QKI: variants seen among roughly 807,000 people sequenced by gnomAD.
QKI encodes the protein QKI, KH domain containing RNA binding.
QKI carries 10 observed loss-of-function variants against 39.0 expected under a neutral mutation model. That is an observed-to-expected ratio of 0.26 (90% CI 0.16 to 0.43). The LOEUF is 0.43. Among genes scored for constraint, QKI ranks in the 20% least tolerant of loss-of-function variants. QKI has a pLI of 1.00. For synonymous variants in QKI, 204 were observed against 155.4 expected (o/e 1.31, Z -2.33); for missense variants, 218 against 428.0 (o/e 0.51, Z 4.33).
chr6:163,499,141 T>A (rs1367313228), intron 3 of QKI, among the ~76,000 whole-genome samples: 10 of 152,204 alleles, frequency 6.6e-5, no homozygotes, highest in Non-Finnish European at 2.9e-5. Flanking sequence ...CGTTTTGTTT[T>A]TTTGGATTAA....
intron 1 of QKI, among the ~76,000 whole-genome samples, chr6:163,434,892 G>T (rs1789128636): frequency 6.6e-6 from 1 of 151,916 alleles, no homozygotes; most frequent in African/African-American, 2.4e-5. Context: ...ATTAAGAAAG[G>T]TAAAGTCAGG....
intron 3 of QKI, among the ~76,000 whole-genome samples, chr6:163,503,413 A>C (rs1052307251): frequency 6.6e-6 from 1 of 151,778 alleles, no homozygotes; most frequent in Non-Finnish European, 1.5e-5. Context: ...TTTTTAATGG[A>C]GTCGTTTTTT....
intron 1 of QKI, among the ~76,000 whole-genome samples, chr6:163,446,916 A>G (rs1464034754): frequency 1.3e-5 from 2 of 152,200 alleles, no homozygotes; most frequent in Non-Finnish European, 2.9e-5. Flanking sequence ...GAGTTCATCT[A>G]CAGAACTGTG....
intron 1 of QKI, among the ~76,000 whole-genome samples, chr6:163,434,764 AAAATT>A (rs1312172220): frequency 2.6e-5 from 4 of 152,078 alleles, no homozygotes; most frequent in African/African-American, 4.8e-5. Context: ...AATCTTTAAA[AAAATT>A]AAATTTTACA....
At chr6:163,434,295 T>C (rs1789073560) in intron 1 of QKI, among the ~76,000 whole-genome samples, 1 of 152,198 alleles carries the variant, frequency 6.6e-6, no homozygotes, top group Non-Finnish European at 1.5e-5. Context: ...CACAGATTAC[T>C]ACTGCGTATA....
intron 6 of QKI, chr6:163,565,553 T>G (rs1783311436): frequency 1.0e-6 from 1 of 990,356 alleles, no homozygotes; most frequent in African/African-American, 1.7e-5. Flanking sequence ...GTTGGAAAAT[T>G]TTTACTTATA....
chr6:163,532,706 G>A (rs905178016), intron 3 of QKI, among the ~76,000 whole-genome samples: 4 of 152,094 alleles, frequency 2.6e-5, no homozygotes, highest in African/African-American at 9.7e-5. Flanking sequence ...AATCCTTTTG[G>A]GTGGTTCCTT....
chr6:163,505,416 T>C (rs1406138439), intron 3 of QKI, among the ~76,000 whole-genome samples: 1 of 152,164 alleles, frequency 6.6e-6, no homozygotes, highest in Non-Finnish European at 1.5e-5. Context: ...CAGGCACTCA[T>C]TGTCAGCCCA....
chr6:163,570,536 G>T, intron 7 of QKI, 158 bp from the exon 8 acceptor site: 1 of 982,750 alleles, frequency 1.0e-6, no homozygotes, highest in Non-Finnish European at 1.2e-6. Context: ...TCTGTAGATG[G>T]TGTCAATCAG....
At position 163,576,603 on chromosome 6, in the gene QKI, G is replaced by T. The variant is rs946030546; in HGVS notation, c.*5893G>T. ...ATATATATATATATAGTCGAAATAG[G>T]TGTTCACAGGTCACATGTGAACGGA... On this transcript the variant is annotated 3_prime_UTR_variant, in exon 8 of 8. Coordinates refer to ENST00000361752, the MANE Select transcript of QKI (RefSeq NM_006775.3). 2 of 151,544 alleles carry T rather than the reference G, an allele frequency of 1.3e-5. No homozygotes were observed. Among genetic ancestry groups the T allele is most frequent in the East Asian group, 3.9e-4 (2 of 5,194 alleles). 9.4% of individuals were successfully genotyped at this position (151,544 alleles called of 1,614,324 possible).
chr6:163,443,906 T>C (rs567691890), intron 1 of QKI, among the ~76,000 whole-genome samples: 2 of 152,208 alleles, frequency 1.3e-5, no homozygotes, highest in Non-Finnish European at 2.9e-5. Context: ...GGCATCGGTT[T>C]CATTTTCAGT....
At chr6:163,489,952 A>C (rs1777949724) in intron 3 of QKI, among the ~76,000 whole-genome samples, 1 of 152,090 alleles carries the variant, frequency 6.6e-6, no homozygotes, top group Non-Finnish European at 1.5e-5. Context: ...ATCAAACCAT[A>C]TATATCTCCC....
chr6:163,562,973 A>G (rs1783125488), intron 5 of QKI, among the ~76,000 whole-genome samples: 2 of 152,358 alleles, frequency 1.3e-5, no homozygotes, highest in South Asian at 4.1e-4. Context: ...GACTAAATGC[A>G]ATAAAAATTA....
At chr6:163,527,087 A>G (rs1780564862) in intron 3 of QKI, among the ~76,000 whole-genome samples, 1 of 152,176 alleles carries the variant, frequency 6.6e-6, no homozygotes, top group Non-Finnish European at 1.5e-5. Context: ...CTGCTGAATG[A>G]CTTCCTAGAT....
intron 3 of QKI, among the ~76,000 whole-genome samples, chr6:163,512,303 C>G (rs1779532792): frequency 6.6e-6 from 1 of 151,840 alleles, no homozygotes; most frequent in African/African-American, 2.4e-5. Flanking sequence ...TTTACCCTGT[C>G]TATTCCAATT....
At chr6:163,446,511 A>G (rs1261546773) in intron 1 of QKI, among the ~76,000 whole-genome samples, 1 of 152,210 alleles carries the variant, frequency 6.6e-6, no homozygotes, top group African/African-American at 2.4e-5. Flanking sequence ...ATATTCATTA[A>G]AATGTTACTT....
At chr6:163,440,162 C>T (rs903033643) in intron 1 of QKI, among the ~76,000 whole-genome samples, 1 of 152,166 alleles carries the variant, frequency 6.6e-6, no homozygotes, top group Non-Finnish European at 1.5e-5. Flanking sequence ...CTCTATCTAG[C>T]TCTTACCATC....
chr6:163,428,918 C>G (rs1239800030), intron 1 of QKI: 4 of 152,174 alleles, frequency 2.6e-5, no homozygotes, highest in Middle Eastern at 3.2e-3. Context: ...ATTTTAGTCC[C>G]TGCTCCCCAG....
At chr6:163,418,513 G>GGT (rs1488320960) in intron 1 of QKI, among the ~76,000 whole-genome samples, 4 of 151,896 alleles carry the variant, frequency 2.6e-5, no homozygotes, top group Non-Finnish European at 4.4e-5. Context: ...TGGTGGTGGG[G>GGT]GTGTGTGTGC....
Sources: allele counts gnomAD v4.1 joint callset (sites outside exome capture counted in the v4.1 genomes callset), GRCh38; gene constraint gnomAD v4.1.1; transcripts MANE v1.5; gene names NCBI Gene and HGNC (gene_info 2026-07-23, HGNC 2026-07-21).